Variants in ADAM22 observed in about 807,000 individuals in gnomAD.
The protein encoded by ADAM22 is disintegrin and metalloproteinase domain-containing protein 22.
In ADAM22, 65 loss-of-function variants were observed where a neutral mutation model predicts 144.6. The ratio of observed to expected loss-of-function variants is 0.45; its 90% CI spans 0.37 to 0.55. The LOEUF is 0.55. Ranked by LOEUF, ADAM22 falls within the 20% of genes least tolerant of loss-of-function variation. The pLI is 0.00. For missense variants in ADAM22, 974 were observed against 1,184.9 expected, an observed-to-expected ratio of 0.82 and a Z score of 2.61; for synonymous variants, 391 against 412.6, an observed-to-expected ratio of 0.95 and a Z score of 0.63.
rs1021153058 is a variant in ADAM22, at chr7:88,181,537, G to T, written c.2528G>T (p.Arg843Met). 6.2e-7 allele frequency: 1 copy of T among 1,613,806 alleles called. No homozygotes were observed. The highest frequency in any genetic ancestry group is 8.5e-7 in the Non-Finnish European group (1 of 1,179,788). ...GGGCTCTCTCATTCTTGGAGTGAAA[G>T]GATTCCAGACACAAAACATATTTCA... ...SNGLSHSWSE[R>M]IPDTKHISDI... Residue 843 changes from arginine (R) to methionine (M), a missense_variant, in exon 28 of 32, where the codon AGG (arginine) becomes ATG (methionine). By Grantham distance (91) the Arg-to-Met change is moderately conservative. Transcript: ENST00000413139.
intron 26 of ADAM22, among the ~76,000 whole-genome samples, chr7:88,172,852 G>A (rs192657025): frequency 2.0e-3 from 298 of 152,048 alleles, no homozygotes; most frequent in African/African-American, 6.8e-3. Flanking sequence ...AGCAGGAGCC[G>A]CCGTTTAGAC....
chr7:88,059,335 CA>C (rs1430774942), intron 3 of ADAM22, among the ~76,000 whole-genome samples: 1 of 151,874 alleles, frequency 6.6e-6, no homozygotes, highest in Non-Finnish European at 1.5e-5. Context: ...GCTGTTTAAC[CA>C]AAAAGAAAGA....
intron 4 of ADAM22, among the ~76,000 whole-genome samples, chr7:88,083,685 A>G (rs1817614976): frequency 6.7e-6 from 1 of 148,728 alleles, no homozygotes; most frequent in East Asian, 2.0e-4. Flanking sequence ...TTTGTCAGTA[A>G]ATACCTCCTG....
At chr7:88,102,437 A>AG (rs1325930360) in intron 4 of ADAM22, among the ~76,000 whole-genome samples, 3 of 152,128 alleles carry the variant, frequency 2.0e-5, no homozygotes, top group Non-Finnish European at 4.4e-5. Flanking sequence ...TCAAGCACTG[A>AG]ATTTGTATTC....
At chr7:88,186,204 A>C in intron 29 of ADAM22, 1 of 216,264 alleles carries the variant, frequency 4.6e-6, no homozygotes, top group South Asian at 7.1e-5. Context: ...CAAATGCCAG[A>C]TTGGAATTGC....
chr7:87,954,135 C>A (rs969260869), intron 2 of ADAM22, among the ~76,000 whole-genome samples: 3 of 151,826 alleles, frequency 2.0e-5, no homozygotes, highest in African/African-American at 4.8e-5. Flanking sequence ...GCATTTAGTC[C>A]ATTTACATTT....
intron 3 of ADAM22, among the ~76,000 whole-genome samples, chr7:88,073,534 A>C (rs1563154631): frequency 6.6e-6 from 1 of 152,232 alleles, no homozygotes; most frequent in Non-Finnish European, 1.5e-5. Flanking sequence ...TAGGTGAGCT[A>C]TCCTAGAGGT....
chr7:88,104,370 A>C (rs1823798297), intron 4 of ADAM22, among the ~76,000 whole-genome samples: 1 of 152,110 alleles, frequency 6.6e-6, no homozygotes, highest in Non-Finnish European at 1.5e-5. Flanking sequence ...TGGTACACAA[A>C]ATGTGTCAAA....
intron 3 of ADAM22, among the ~76,000 whole-genome samples, chr7:88,044,679 C>T (rs1039050636): frequency 1.3e-5 from 2 of 151,912 alleles, no homozygotes; most frequent in Non-Finnish European, 2.9e-5. Context: ...ATCTCCTGAC[C>T]TCATGATCCA....
intron 3 of ADAM22, among the ~76,000 whole-genome samples, chr7:87,993,843 A>C (rs959725560): frequency 3.3e-5 from 5 of 152,200 alleles, no homozygotes; most frequent in Admixed American, 6.5e-5. Context: ...GAGCACTGTG[A>C]TATCTCTTAA....
chr7:88,136,593 T>C (rs556379173), intron 14 of ADAM22, among the ~76,000 whole-genome samples: 2 of 152,254 alleles, frequency 1.3e-5, no homozygotes, highest in East Asian at 3.9e-4. Flanking sequence ...TGTCTTTTAT[T>C]CTTGTAAATA....
intron 2 of ADAM22, among the ~76,000 whole-genome samples, chr7:87,937,525 T>C (rs1841524509): frequency 6.6e-6 from 1 of 152,186 alleles, no homozygotes; most frequent in Admixed American, 6.5e-5. Context: ...TGACTCATGC[T>C]GGAAATGTCT....
At chr7:88,099,176 A>T (rs1283415391) in intron 4 of ADAM22, among the ~76,000 whole-genome samples, 1 of 152,194 alleles carries the variant, frequency 6.6e-6, no homozygotes, top group Admixed American at 6.5e-5. Flanking sequence ...GAAGATGGAA[A>T]ATCCAAGTTC....
intron 3 of ADAM22, among the ~76,000 whole-genome samples, chr7:88,017,802 T>G (rs958653813): frequency 3.1e-4 from 47 of 152,072 alleles, no homozygotes; most frequent in African/African-American, 9.9e-4. Context: ...TATATGTGTG[T>G]GTATATATAT....
At chr7:88,143,737 T>TTC (rs1835488146) in intron 15 of ADAM22, among the ~76,000 whole-genome samples, 1 of 152,246 alleles carries the variant, frequency 6.6e-6, no homozygotes, top group Non-Finnish European at 1.5e-5. Context: ...TCCTTGCGAA[T>TTC]TATGTGAACT....
intron 4 of ADAM22, among the ~76,000 whole-genome samples, chr7:88,077,962 A>T (rs1815144534): frequency 6.6e-6 from 1 of 152,212 alleles, no homozygotes; most frequent in Admixed American, 6.5e-5. Context: ...CTGCAGACTT[A>T]AATGTCCCTG....
At chr7:88,184,666 T>C (rs1190116353) in intron 29 of ADAM22, among the ~76,000 whole-genome samples, 1 of 152,024 alleles carries the variant, frequency 6.6e-6, no homozygotes, top group African/African-American at 2.4e-5. Flanking sequence ...TTTACTGCAA[T>C]ATGATAAAAT....
chr7:88,167,192 A>T (rs1843157372), intron 24 of ADAM22, among the ~76,000 whole-genome samples: 1 of 152,182 alleles, frequency 6.6e-6, no homozygotes, highest in Non-Finnish European at 1.5e-5. Context: ...GCAAAGATGG[A>T]TCTAAGCTAC....
At chr7:88,003,454 A>G (rs535749109) in intron 3 of ADAM22, among the ~76,000 whole-genome samples, 1 of 152,370 alleles carries the variant, frequency 6.6e-6, no homozygotes, top group African/African-American at 2.4e-5. Flanking sequence ...GTATTCCCTG[A>G]AACTTATTAG....
Sources: allele counts gnomAD v4.1 joint callset (sites outside exome capture counted in the v4.1 genomes callset), GRCh38; gene constraint gnomAD v4.1.1; transcripts MANE v1.5; gene names NCBI Gene and HGNC (gene_info 2026-07-23, HGNC 2026-07-21).